Variants in FKBP8 observed in about 807,000 individuals in gnomAD.
The protein encoded by FKBP8 is peptidyl-prolyl cis-trans isomerase FKBP8.
FKBP8 carries 5 observed loss-of-function variants against 41.7 expected under a neutral mutation model. The ratio of observed to expected loss-of-function variants is 0.12; its 90% CI spans 0.06 to 0.25. The LOEUF (loss-of-function observed/expected upper bound fraction) is 0.25, where lower values mean the gene tolerates loss of function less well. Ranked by LOEUF, FKBP8 falls within the 10% of genes least tolerant of loss-of-function variation. The probability of loss-of-function intolerance (pLI) is 1.00; values close to 1 mark genes in which losing one functional copy is unlikely to be tolerated. For missense variants in FKBP8, 397 were observed against 563.0 expected (o/e 0.71, Z 2.98); for synonymous variants, 279 against 254.5 (o/e 1.10, Z -0.92).
Position 18,538,442 on chromosome 19 carries a change from TG to T in FKBP8, c.552-7del. The T allele has an allele frequency of 3.1e-6, 5 of 1,609,538 alleles. No individual in the cohort carries two copies. Among genetic ancestry groups the T allele is most frequent in the Non-Finnish European group, 4.2e-6 (5 of 1,178,956 alleles). ...GGGGGATGTATGGGCTCCTGCTAGT[TG>T]GGTGGGAGCAGGCAGGGGCAGCACT... On this transcript the variant is annotated splice_polypyrimidine_tract_variant and splice_region_variant and intron_variant, in intron 4 of 8. Coordinates refer to ENST00000608443, the MANE Select transcript of FKBP8 (RefSeq NM_012181.5). This position sits in a 1 kb window ranked among gnomAD's most constrained non-coding sequence, Gnocchi z 4.0.
intron 6 of FKBP8, among the ~76,000 whole-genome samples, chr19:18,535,179 C>T (rs1976545441): frequency 6.6e-6 from 1 of 152,148 alleles, no homozygotes; most frequent in Admixed American, 6.6e-5. Context: ...CTCGGTCTCC[C>T]AAAGTGCTGG....
chr19:18,532,906 G>C (rs568884939), intron 7 of FKBP8, 111 bp from the exon 8 acceptor site: 20 of 1,507,046 alleles, frequency 1.3e-5, no homozygotes, highest in Non-Finnish European at 1.6e-5. Flanking sequence ...TGGGACACAG[G>C]GGTCCCATCT....
At chr19:18,539,843 C>G in intron 2 of FKBP8, 123 bp from the exon 3 acceptor site, 1 of 1,195,566 alleles carries the variant, frequency 8.4e-7, no homozygotes, top group South Asian at 1.4e-5. Flanking sequence ...TGGCCCAACA[C>G]TGGGGCACAA....
At chr19:18,534,259 A>G (rs977287134) in intron 6 of FKBP8, among the ~76,000 whole-genome samples, 1 of 152,100 alleles carries the variant, frequency 6.6e-6, no homozygotes, top group Non-Finnish European at 1.5e-5. Context: ...GTGAGCCGAG[A>G]TCACGCCACT....
At position 18,537,781 on chromosome 19, in the gene FKBP8, G is replaced by A; in HGVS notation, c.773-8C>T. The A allele has an allele frequency of 6.2e-7, 1 of 1,600,504 alleles. No individual in the cohort carries two copies. The highest frequency in any genetic ancestry group is 8.5e-7 in the Non-Finnish European group (1 of 1,170,496). ...CCTCGAACGTCATGTCCACTATTGG[G>A]AGACAGTGCCCGCCACGGCAGCCGT... On this transcript the variant is annotated splice_polypyrimidine_tract_variant and splice_region_variant and intron_variant, in intron 5 of 8. Transcript: ENST00000608443. This position sits in a 1 kb window ranked among gnomAD's most constrained non-coding sequence, Gnocchi z 4.4.
intron 1 of FKBP8, chr19:18,542,249 A>T: frequency 2.3e-6 from 1 of 428,584 alleles, no homozygotes. Context: ...ATGTTTACAA[A>T]TACTCCAGGA....
In FKBP8 at chr19:18,537,712, G is replaced by A. The variant is rs1182863623; in HGVS notation, c.834C>T (p.Asn278=). 6.2e-7 allele frequency: 1 copy of A among 1,613,902 alleles called. No homozygotes were observed. Among genetic ancestry groups the A allele is most frequent in the Non-Finnish European group, 8.5e-7 (1 of 1,179,984 alleles). The change falls in exon 6 of 9, where the codon AAC becomes AAT. Residue 278 remains asparagine, a synonymous_variant. Coordinates refer to ENST00000608443, the MANE Select transcript of FKBP8 (RefSeq NM_012181.5). This position sits in a 1 kb window ranked among gnomAD's most constrained non-coding sequence, Gnocchi z 4.4. ...CGAGCTTCAGCTGCGAGGCCGCCAG[G>A]TTGTTCAGACACTTCACCTTCAACT... ...LLQLKVKCLN[N]LAASQLKLDH... is the part of the protein sequence containing the mutation.
chr19:18,542,763 C>G, intron 1 of FKBP8: 1 of 540,682 alleles, frequency 1.8e-6, no homozygotes, highest in Admixed American at 2.7e-5. Context: ...CCACATTCTA[C>G]AGCCTCTTCC....
intron 6 of FKBP8, among the ~76,000 whole-genome samples, chr19:18,534,760 T>C (rs1234188794): frequency 1.3e-5 from 2 of 151,016 alleles, no homozygotes; most frequent in Non-Finnish European, 2.9e-5. Context: ...TATTTATTTA[T>C]GTATTTATTT....
At chr19:18,539,839 A>C in intron 2 of FKBP8, 119 bp from the exon 3 acceptor site, 1 of 1,226,234 alleles carries the variant, frequency 8.2e-7, no homozygotes, top group Non-Finnish European at 1.1e-6. Flanking sequence ...GGGCTGGCCC[A>C]ACACTGGGGC....
At position 18,538,115 on chromosome 19, in the gene FKBP8, C is replaced by G. The variant is rs1976620816; in HGVS notation, c.772+101G>C. On this transcript the variant is annotated intron_variant, in intron 5 of 8. Transcript: ENST00000608443. This position sits in a 1 kb window ranked among gnomAD's most constrained non-coding sequence, Gnocchi z 4.0. Reference sequence around the variant, plus strand: ...GGATCTACCCATATTCTGGGCTATTCTAGAATATTCTGAGTCTGAGGCTCT... The same window carrying G: ...GGATCTACCCATATTCTGGGCTATTGTAGAATATTCTGAGTCTGAGGCTCT... 7.0e-6 allele frequency: 9 copies of G among 1,285,818 alleles called. No individual in the cohort carries two copies. Among genetic ancestry groups the G allele is most frequent in the South Asian group, 7.0e-5 (5 of 71,520 alleles). The allele number at this position is 1,285,818 out of a possible 1,614,324, so 79.7% of individuals were successfully genotyped here.
chr19:18,537,637 C>T lies in FKBP8; in HGVS notation c.909G>A (p.Gln303=), dbSNP rs1277785328. 3 of 1,610,258 alleles carry T rather than the reference C, an allele frequency of 1.9e-6. No homozygotes were observed. The highest frequency in any genetic ancestry group is 2.2e-5 in the South Asian group (2 of 90,802). The change falls in exon 6 of 9, where the codon CAG becomes CAA. Residue 303 remains glutamine, a synonymous_variant. Transcript: ENST00000608443. The surrounding 1 kb of genome is among the most constrained non-coding windows in gnomAD (Gnocchi z 4.4). ...LRSCSLVLEH[Q]PDNIKALFRK... is the part of the protein sequence containing the mutation. ...GGAAGAGAGCCTTGATGTTGTCTGG[C>T]TGGTGCTCCAGCACAAGGCTGCAGG... is the stretch of plus-strand genomic sequence containing the variant.
chr19:18,542,034 A>G (rs10854166), intron 1 of FKBP8, 39 bp from the exon 2 acceptor site: 723,646 of 1,569,538 alleles, frequency 0.46, 172,600 homozygotes, highest in Admixed American at 0.51. Context: ...AGAATCCTAC[A>G]CAGCCCCTCA....
At chr19:18,532,832 C>A in intron 7 of FKBP8, 37 bp from the exon 8 acceptor site, 1 of 1,608,262 alleles carries the variant, frequency 6.2e-7, no homozygotes, top group Non-Finnish European at 8.5e-7. Context: ...CACGCAGCGG[C>A]CAACCTGTCA....
Position 18,532,211 on chromosome 19 carries a change from C to T in FKBP8, c.1200G>A (p.Leu400=), listed in dbSNP as rs755038922. 6.2e-7 allele frequency: 1 copy of T among 1,610,076 alleles called. No homozygotes were observed. Among genetic ancestry groups the T allele is most frequent in the Non-Finnish European group, 8.5e-7 (1 of 1,178,630 alleles). Reference sequence around the variant, plus strand: ...TGACCACAGAGAGTGCCACACCCCCCAAGGCAACAGCAGTCGCCCCAAACA... The same window carrying T: ...TGACCACAGAGAGTGCCACACCCCCTAAGGCAACAGCAGTCGCCCCAAACA... The part of the protein sequence containing the change: ...KWLFGATAVA[L]GGVALSVVIA... The change falls in exon 9 of 9, where the codon TTG becomes TTA. Residue 400 remains leucine (L), a synonymous_variant. Coordinates refer to ENST00000608443, the MANE Select transcript of FKBP8 (RefSeq NM_012181.5).
rs900778661 is a variant in FKBP8, at chr19:18,537,980, T to G, written c.773-207A>C. 2 of 668,912 alleles carry G rather than the reference T, an allele frequency of 3.0e-6. No individual in the cohort carries two copies. The highest frequency in any genetic ancestry group is 5.0e-6 in the Non-Finnish European group (2 of 398,890). The allele number at this position is 668,912 out of a possible 1,614,324, so 41.4% of individuals were successfully genotyped here. On this transcript the variant is annotated intron_variant, in intron 5 of 8. Coordinates refer to ENST00000608443, the MANE Select transcript of FKBP8 (RefSeq NM_012181.5). The surrounding 1 kb of genome is among the most constrained non-coding windows in gnomAD (Gnocchi z 4.4). The stretch of plus-strand genomic sequence containing the variant: ...GGCCTAGCCTGTGGTACATGTGAAC[T>G]GGCCCTGTCTATGGTCACCCCATCC...
Position 18,537,669 on chromosome 19 carries a change from G to A in FKBP8, c.877C>T (p.Leu293=). The A allele has an allele frequency of 6.2e-7, 1 of 1,613,744 alleles. No homozygotes were observed. The highest frequency in any genetic ancestry group is 8.5e-7 in the Non-Finnish European group (1 of 1,179,910). The change falls in exon 6 of 9, where the codon CTG becomes TTG. Residue 293 remains leucine, a synonymous_variant. Coordinates refer to ENST00000608443, the MANE Select transcript of FKBP8 (RefSeq NM_012181.5). This position sits in a 1 kb window ranked among gnomAD's most constrained non-coding sequence, Gnocchi z 4.4. ...TCCAGCACAAGGCTGCAGGAGCGCA[G>A]GGCTGCGCGGTAGTGGTCGAGCTTC... ...QLKLDHYRAA[L]RSCSLVLEHQ...
chr19:18,538,198 T>G lies in FKBP8; in HGVS notation c.772+18A>C, dbSNP rs533440659. 4.4e-6 allele frequency: 7 copies of G among 1,590,204 alleles called. No individual in the cohort carries two copies. In the South Asian group the frequency reaches 5.7e-5, roughly 13 times the overall value. On this transcript the variant is annotated intron_variant, in intron 5 of 8. Transcript: ENST00000608443. This position sits in a 1 kb window ranked among gnomAD's most constrained non-coding sequence, Gnocchi z 4.0. ...ACCTTTGCAGGGGAGATGGTGGAGA[T>G]CTGACCCAGGCGGTCACCTTTGGCG...
Position 18,537,773 on chromosome 19 carries a change from A to G in FKBP8, c.773T>C (p.Val258Ala), listed in dbSNP as rs1976611797. The part of the protein sequence containing the change: ...AIKAITSSAK[V>A]DMTFEEEAQL... Reference sequence around the variant, plus strand: ...TGCCTCCTCCTCGAACGTCATGTCCACTATTGGGAGACAGTGCCCGCCACG... The same window carrying G: ...TGCCTCCTCCTCGAACGTCATGTCCGCTATTGGGAGACAGTGCCCGCCACG... The change falls in exon 6 of 9, where the codon GTG becomes GCG. Residue 258 changes from valine (V) to alanine (A), a missense_variant and splice_region_variant. Physicochemically the swap from Val to Ala is moderately conservative, Grantham distance 64. Transcript: ENST00000608443. This position sits in a 1 kb window ranked among gnomAD's most constrained non-coding sequence, Gnocchi z 4.4. 1 of 1,608,422 alleles carries G rather than the reference A, an allele frequency of 6.2e-7. No individual in the cohort carries two copies. Among genetic ancestry groups the G allele is most frequent in the East Asian group, 2.2e-5 (1 of 44,750 alleles).
Sources: gnomAD v4.1 joint callset for allele counts (sites outside exome capture counted in the v4.1 genomes callset) on GRCh38, gnomAD v4.1.1 for gene constraint, Gnocchi (gnomAD v3.1) non-coding constraint, MANE v1.5 for transcripts, NCBI Gene and HGNC (gene_info 2026-07-23, HGNC 2026-07-21) for gene names.